Variants in UAP1 observed in about 807,000 individuals in gnomAD.
UAP1 encodes the protein UDP-N-acetylhexosamine pyrophosphorylase.
In UAP1, 25 loss-of-function variants were observed where a neutral mutation model predicts 58.5. The ratio of observed to expected loss-of-function variants is 0.43; its 90% confidence interval spans 0.31 to 0.60. The LOEUF (loss-of-function observed/expected upper bound fraction) is 0.60. Among genes scored for constraint, UAP1 ranks in the 20% least tolerant of loss-of-function variants. UAP1 has a pLI of 0.11. For synonymous variants in UAP1, 208 were observed against 213.0 expected, an observed-to-expected ratio of 0.98 and a Z score of 0.21; for missense variants, 575 against 630.0, an observed-to-expected ratio of 0.91 and a Z score of 0.93.
chr1:162,569,231 A>T (rs547940951), intron 2 of UAP1, among the ~76,000 whole-genome samples: 129 of 152,336 alleles, frequency 8.5e-4, no homozygotes, highest in Non-Finnish European at 1.6e-3. Context: ...GATCCTGGTA[A>T]TTGTATCAGG....
chr1:162,584,761 G>T (rs1393961045), intron 5 of UAP1, among the ~76,000 whole-genome samples: 1 of 152,110 alleles, frequency 6.6e-6, no homozygotes, highest in Non-Finnish European at 1.5e-5. Context: ...GGGATTACAG[G>T]TGTGAACCAC....
intron 9 of UAP1, among the ~76,000 whole-genome samples, chr1:162,595,074 CT>C (rs1239805365): frequency 6.6e-6 from 1 of 152,192 alleles, no homozygotes; most frequent in Non-Finnish European, 1.5e-5. Context: ...TTAATGCTTA[CT>C]GAATAGTGTT....
At chr1:162,568,232 G>T (rs995906417) in intron 2 of UAP1, among the ~76,000 whole-genome samples, 2 of 152,144 alleles carry the variant, frequency 1.3e-5, no homozygotes, top group Non-Finnish European at 2.9e-5. Context: ...TAAAAAGAAA[G>T]ATTACTGGCA....
rs754994271 is a variant in UAP1, at chr1:162,587,630, C to T, written c.990C>T (p.Asn330=). Residue 330 remains asparagine (N), a synonymous_variant, in exon 6 of 11, where the codon AAC becomes AAT. Coordinates refer to ENST00000271469, the Ensembl canonical transcript of UAP1. Reference sequence around the variant, plus strand: ...TGTTCAATGCGGGGAACATTGCCAACCATTTCTTCACTGTACCATTTCTGA... The same window carrying T: ...TGTTCAATGCGGGGAACATTGCCAATCATTTCTTCACTGTACCATTTCTGA... The T allele has an allele frequency of 2.5e-6, 4 of 1,613,864 alleles. No individual in the cohort carries two copies. In the African/African-American group the frequency reaches 4.0e-5, roughly 16 times the overall value.
At chr1:162,562,182 C>T (rs1653188022) in intron 1 of UAP1, among the ~76,000 whole-genome samples, 1 of 150,998 alleles carries the variant, frequency 6.6e-6, no homozygotes, top group Non-Finnish European at 1.5e-5. Context: ...GTAGAGACCT[C>T]GAGGCTCTCA....
chr1:162,597,856 G>A (rs1655700313), exon 10 of UAP1: 2 of 1,611,362 alleles, frequency 1.2e-6, no homozygotes, highest in East Asian at 2.2e-5. Flanking sequence ...CTATGCTGGA[G>A]AAGTAAGTCT....
intron 8 of UAP1, 79 bp downstream of exon 8, chr1:162,590,590 C>A: frequency 8.8e-7 from 1 of 1,137,574 alleles, no homozygotes; most frequent in Non-Finnish European, 1.2e-6. Context: ...CTCTCTCTCT[C>A]TGTATTCCTA....
downstream of UAP1, among the ~76,000 whole-genome samples, chr1:162,601,215 G>A (rs1356423028): frequency 6.6e-6 from 1 of 152,184 alleles, no homozygotes; most frequent in African/African-American, 2.4e-5. Context: ...GAAAATAAAA[G>A]CTAGAATAAT....
At chr1:162,589,839 G>A (rs1455174188) in intron 7 of UAP1, among the ~76,000 whole-genome samples, 1 of 152,122 alleles carries the variant, frequency 6.6e-6, no homozygotes, top group African/African-American at 2.4e-5. Context: ...GGGCGTGGTG[G>A]TGCATGCCTG....
intron 5 of UAP1, among the ~76,000 whole-genome samples, chr1:162,587,020 C>T (rs10917570): frequency 0.08 from 12,110 of 152,066 alleles, 731 homozygotes; most frequent in East Asian, 0.24. Context: ...AATGAAATAT[C>T]GGGCAATAGA....
intron 1 of UAP1, among the ~76,000 whole-genome samples, chr1:162,564,066 A>G (rs572277695): frequency 6.6e-6 from 1 of 152,342 alleles, no homozygotes; most frequent in South Asian, 2.1e-4. Context: ...ATAATTTAAT[A>G]TAAATCTGTT....
chr1:162,588,973 A>G (rs1178811982), intron 7 of UAP1, 140 bp downstream of exon 7: 7 of 837,024 alleles, frequency 8.4e-6, no homozygotes, highest in African/African-American at 1.8e-5. Context: ...TATGTAGTCT[A>G]GATTCATTAT....
At chr1:162,570,487 A>G (rs1164677845) in intron 2 of UAP1, among the ~76,000 whole-genome samples, 3 of 151,912 alleles carry the variant, frequency 2.0e-5, no homozygotes, top group African/African-American at 2.4e-5. Context: ...CCTTTGCTGC[A>G]GTATTTTAAG....
At chr1:162,580,429 T>C (rs1455736329) in intron 4 of UAP1, among the ~76,000 whole-genome samples, 2 of 152,222 alleles carry the variant, frequency 1.3e-5, no homozygotes, top group African/African-American at 4.8e-5. Context: ...AGGTAGTGCA[T>C]ACACATCATG....
chr1:162,578,059 T>G (rs1654319878), intron 3 of UAP1, among the ~76,000 whole-genome samples: 1 of 152,094 alleles, frequency 6.6e-6, no homozygotes, highest in South Asian at 2.1e-4. Flanking sequence ...ACCAAGAGAT[T>G]ACAGAAGATC....
chr1:162,566,331 A>G, exon 2 of UAP1: 1 of 1,613,486 alleles, frequency 6.2e-7, no homozygotes, highest in South Asian at 1.1e-5. Flanking sequence ...GATCAGCTCC[A>G]GGCCTGGGAA....
intron 3 of UAP1, among the ~76,000 whole-genome samples, chr1:162,577,434 CCTTTT>C (rs1654263148): frequency 7.2e-6 from 1 of 138,150 alleles, no homozygotes; most frequent in Non-Finnish European, 1.5e-5. Context: ...TAGTTCCTTC[CCTTTT>C]TTTTTTTTTT....
chr1:162,567,424 T>C (rs529017576), intron 2 of UAP1, among the ~76,000 whole-genome samples: 3 of 152,232 alleles, frequency 2.0e-5, no homozygotes, highest in Non-Finnish European at 4.4e-5. Context: ...CTTTTCATTC[T>C]AAAGCATGTA....
chr1:162,583,481 A>G (rs965827581), intron 5 of UAP1, among the ~76,000 whole-genome samples: 2 of 151,474 alleles, frequency 1.3e-5, no homozygotes, highest in Non-Finnish European at 2.9e-5. Flanking sequence ...TAAAATAGAA[A>G]CTTAAAATTG....
Sources: allele counts gnomAD v4.1 joint callset (sites outside exome capture counted in the v4.1 genomes callset), GRCh38; gene constraint gnomAD v4.1.1; transcripts MANE v1.5; gene names NCBI Gene and HGNC (gene_info 2026-07-23, HGNC 2026-07-21).